SGCZ: variants seen among roughly 807,000 people sequenced by gnomAD.
The protein encoded by SGCZ is zeta-sarcoglycan.
SGCZ carries 40 observed loss-of-function variants against 41.3 expected under a neutral mutation model. That is an observed-to-expected ratio of 0.97 (90% confidence interval 0.75 to 1.26). SGCZ has a LOEUF of 1.26. Ranked by LOEUF, SGCZ falls within the 50% of genes most tolerant of loss-of-function variation. The probability of loss-of-function intolerance (pLI) is 0.00; values close to 1 mark genes in which losing one functional copy is unlikely to be tolerated. For missense variants in SGCZ, 552 were observed against 369.8 expected (o/e 1.49, Z -4.04); for synonymous variants, 206 against 137.5 (o/e 1.50, Z -3.49).
chr8:14,581,418 C>T (rs976884811), intron 1 of SGCZ, among the ~76,000 whole-genome samples: 22 of 151,894 alleles, frequency 1.4e-4, no homozygotes, highest in Non-Finnish European at 2.9e-5. Flanking sequence ...CCGGCCTTTG[C>T]TTACTATGTT....
chr8:15,221,643 G>C (rs1325498429), intron 1 of SGCZ, among the ~76,000 whole-genome samples: 1 of 152,122 alleles, frequency 6.6e-6, no homozygotes, highest in Non-Finnish European at 1.5e-5. Context: ...GATTCCTACT[G>C]TTATGCAGTA....
At chr8:15,207,383 TA>T (rs1801101028) in intron 1 of SGCZ, among the ~76,000 whole-genome samples, 1 of 152,158 alleles carries the variant, frequency 6.6e-6, no homozygotes, top group Non-Finnish European at 1.5e-5. Context: ...GACTGGAAAC[TA>T]ATGAAGTATC....
At chr8:14,113,106 A>C (rs1188322458) in intron 5 of SGCZ, among the ~76,000 whole-genome samples, 2 of 152,080 alleles carry the variant, frequency 1.3e-5, no homozygotes, top group Non-Finnish European at 1.5e-5. Context: ...ACAAAATACA[A>C]CCTATACATT....
intron 4 of SGCZ, among the ~76,000 whole-genome samples, chr8:14,177,958 C>CTTTTTTTTTTTTTTCT (rs1804602076): frequency 5.3e-5 from 5 of 95,050 alleles, no homozygotes; most frequent in African/African-American, 7.4e-5. Context: ...CTTTTTTTTT[C>CTTTTTTTTTTTTTTCT]TTTTTTTTTT....
rs139065550 is a variant in SGCZ, at chr8:14,223,767, T to C, written c.424+13825A>G. Among the ~76,000 whole-genome samples the C allele has an allele frequency of 2.0e-5, 3 of 152,320 alleles. No individual in the cohort carries two copies. In the East Asian group the frequency reaches 5.8e-4, roughly 29 times the overall value. ...AAACTAAAGATACTAGAACTAAATA[T>C]TACTTTGGATAATCATTCACACCAT... On this transcript the variant is annotated intron_variant, in intron 4 of 7. Coordinates refer to ENST00000382080, the MANE Select transcript of SGCZ (RefSeq NM_139167.4).
At chr8:14,291,862 T>G (rs760403672) in intron 3 of SGCZ, among the ~76,000 whole-genome samples, 8 of 151,966 alleles carry the variant, frequency 5.3e-5, no homozygotes, top group Non-Finnish European at 1.2e-4. Flanking sequence ...TTGCTGGGCT[T>G]CTTCCACTTA....
rs560403199 is a variant in SGCZ, at chr8:14,671,411, A to G, written c.40-116485T>C. Among the ~76,000 whole-genome samples, 32 of 152,308 alleles carry G rather than the reference A, an allele frequency of 2.1e-4. 1 individual carries two copies. The South Asian group carries it at 6.4e-3, about 31-fold the overall frequency. On this transcript the variant is annotated intron_variant, in intron 1 of 7. Transcript: ENST00000382080. ...CACTTGATTTTAATTTTTATCCAAG[A>G]AAAGAAAAAGCCAAGTTTGAAAAGT...
chr8:14,774,615 T>C (rs1191070741), intron 1 of SGCZ, among the ~76,000 whole-genome samples: 1 of 152,198 alleles, frequency 6.6e-6, no homozygotes, highest in Non-Finnish European at 1.5e-5. Flanking sequence ...ATGAATAATA[T>C]GTGATTCTTT....
intron 4 of SGCZ, among the ~76,000 whole-genome samples, chr8:14,176,860 G>C (rs1804557822): frequency 6.6e-6 from 1 of 152,218 alleles, no homozygotes; most frequent in Non-Finnish European, 1.5e-5. Context: ...TTGGAGACAG[G>C]AGGCAGTGAG....
rs539272171 is a variant in SGCZ at position 15,003,060 on chromosome 8, C to A, written c.39+234525G>T. Among the ~76,000 whole-genome samples the A allele has an allele frequency of 1.3e-4, 20 of 152,214 alleles. No homozygotes were observed. In the South Asian group the frequency reaches 4.2e-3, roughly 32 times the overall value. On this transcript the variant is annotated intron_variant, in intron 1 of 7. Transcript: ENST00000382080. ...TTCACTTTTCGCCGTGATTGTGAGG[C>A]CTCCCCAGCCTCACAATCATGGCAA...
At chr8:14,992,493 G>C (rs113806419) in intron 1 of SGCZ, among the ~76,000 whole-genome samples, 1 of 126,554 alleles carries the variant, frequency 7.9e-6, no homozygotes, top group Admixed American at 7.9e-5. Context: ...CCCAAAACCA[G>C]TGTTACCCTT....
chr8:14,888,511 G>C (rs1804894590), intron 1 of SGCZ, among the ~76,000 whole-genome samples: 1 of 152,146 alleles, frequency 6.6e-6, no homozygotes, highest in Admixed American at 6.5e-5. Flanking sequence ...CGTATCATGA[G>C]CAACAATGAA....
intron 1 of SGCZ, among the ~76,000 whole-genome samples, chr8:15,000,469 A>G (rs1802376552): frequency 6.6e-6 from 1 of 152,186 alleles, no homozygotes; most frequent in Non-Finnish European, 1.5e-5. Context: ...TTGTCTAACA[A>G]GTTATTTTCT....
rs1211913319 is a variant in SGCZ, at chr8:14,108,226, C to T, written c.557G>A (p.Gly186Glu). Residue 186 changes from glycine to glutamate, a missense_variant, in exon 6 of 8, where the codon GGA (glycine) becomes GAA (glutamate). By Grantham distance (98) the Gly-to-Glu change is moderately conservative (BLOSUM62 -2). Transcript: ENST00000382080. ...CTCCACAGAGTGCCCAAATACGGCTCCTTCAGTGCCTGGGGGTAGCATGAA... is the reference window on the plus strand; with the variant it reads ...CTCCACAGAGTGCCCAAATACGGCTTCTTCAGTGCCTGGGGGTAGCATGAA... ...AEKLKVTGTE[G>E]AVFGHSVETP... The T allele has an allele frequency of 6.2e-7, 1 of 1,614,076 alleles. No homozygotes were observed. The highest frequency in any genetic ancestry group is 1.1e-5 in the South Asian group (1 of 91,078).
chr8:14,875,982 C>T (rs189496685), intron 1 of SGCZ, among the ~76,000 whole-genome samples: 320 of 152,200 alleles, frequency 2.1e-3, no homozygotes, highest in African/African-American at 7.0e-3. Flanking sequence ...AGCCAAACAC[C>T]AAACACAAAC....
intron 2 of SGCZ, among the ~76,000 whole-genome samples, chr8:14,468,422 C>A (rs971089278): frequency 3.3e-5 from 5 of 152,040 alleles, no homozygotes; most frequent in Non-Finnish European, 2.9e-5. Context: ...TGTTACCTTT[C>A]AGGAATTATT....
intron 2 of SGCZ, among the ~76,000 whole-genome samples, chr8:14,525,829 A>C (rs980657898): frequency 6.6e-6 from 1 of 152,120 alleles, no homozygotes; most frequent in Non-Finnish European, 1.5e-5. Context: ...AAATGAACAC[A>C]GTGCACTGCA....
rs565098943 is a variant in SGCZ, at chr8:14,900,169, G to A, written c.39+337416C>T. ...CATCCACTTGACTGTAGACAGACAA[G>A]GGCGGTTTGCTACACAGGCTGGAAT... is the stretch of plus-strand genomic sequence containing the variant. On this transcript the variant is annotated intron_variant, in intron 1 of 7. Transcript: ENST00000382080. 1.2e-3 allele frequency among the ~76,000 whole-genome samples: 182 copies of A among 151,910 alleles called. 1 individual carries two copies. Among genetic ancestry groups the A allele is most frequent in the Non-Finnish European group, 2.0e-3 (139 of 68,008 alleles).
chr8:14,178,764 C>T (rs1804631262), intron 4 of SGCZ, among the ~76,000 whole-genome samples: 1 of 152,124 alleles, frequency 6.6e-6, no homozygotes, highest in African/African-American at 2.4e-5. Context: ...ATGAATAATA[C>T]AGATAAACTG....
Sources: gnomAD v4.1 joint callset for allele counts (sites outside exome capture counted in the v4.1 genomes callset) on GRCh38, gnomAD v4.1.1 for gene constraint, MANE v1.5 for transcripts, NCBI Gene and HGNC (gene_info 2026-07-23, HGNC 2026-07-21) for gene names.